Variants in AGO4 observed in about 807,000 individuals in gnomAD.
AGO4 encodes the protein protein argonaute-4.
AGO4 carries 33 observed loss-of-function variants against 104.7 expected under a neutral mutation model. The ratio of observed to expected loss-of-function variants is 0.32; its 90% confidence interval spans 0.24 to 0.42. AGO4 has a LOEUF of 0.42. AGO4 is among the 10% of genes least tolerant of loss of function. The pLI, the probability that AGO4 is intolerant of heterozygous loss-of-function variation, is 1.00. For missense variants in AGO4, 711 were observed against 1,083.4 expected (o/e 0.66, Z 4.83); for synonymous variants, 331 against 364.7 (o/e 0.91, Z 1.05).
At chr1:35,843,904 C>G (rs576036332) in intron 15 of AGO4, among the ~76,000 whole-genome samples, 5 of 152,198 alleles carry the variant, frequency 3.3e-5, no homozygotes, top group Admixed American at 2.0e-4. Context: ...ATTGACAGTT[C>G]CAGTTCTTGG....
Position 35,808,536 on chromosome 1 carries a change from C to T in AGO4, c.19+101C>T. The stretch of plus-strand genomic sequence containing the variant: ...CGTCGCCTCGCCGGGTTCGGGCCGC[C>T]AGGCCTCGGGGAAGGGGACCCGAGC... On this transcript the variant is annotated intron_variant, in intron 1 of 17. Coordinates refer to ENST00000373210, the MANE Select transcript of AGO4 (RefSeq NM_017629.4). The surrounding 1 kb of genome is among the most constrained non-coding windows in gnomAD (Gnocchi z 5.2). The T allele has an allele frequency of 9.3e-7, 1 of 1,074,300 alleles. No individual in the cohort carries two copies. Among genetic ancestry groups the T allele is most frequent in the African/African-American group, 1.7e-5 (1 of 59,814 alleles). 66.5% of individuals were successfully genotyped at this position (1,074,300 alleles called of 1,614,324 possible).
At position 35,857,410 on chromosome 1, in the gene AGO4, T is replaced by G. The variant is rs1350887181; in HGVS notation, c.*3805T>G. On this transcript the variant is annotated 3_prime_UTR_variant, in exon 18 of 18. Transcript: ENST00000373210. ...GTCTAGTGGCTGAAAATGTTTGCAT[T>G]TGTTCATTTGACTAATGGTGTGATT... 1 of 152,362 alleles carries G rather than the reference T, an allele frequency of 6.6e-6. No homozygotes were observed. Among genetic ancestry groups the G allele is most frequent in the East Asian group, 1.9e-4 (1 of 5,188 alleles). The allele number at this position is 152,362 out of a possible 1,614,324, so 9.4% of individuals were successfully genotyped here.
intron 17 of AGO4, 84 bp downstream of exon 17, chr1:35,851,137 G>A: frequency 1.5e-6 from 2 of 1,338,092 alleles, no homozygotes; most frequent in Non-Finnish European, 2.0e-6. Context: ...ACTTTTTTAA[G>A]GATTTAAACT....
At position 35,833,976 on chromosome 1, in the gene AGO4, T is replaced by C; in HGVS notation, c.1380-14T>C. 6.8e-7 allele frequency: 1 copy of C among 1,474,604 alleles called. No individual in the cohort carries two copies. The highest frequency in any genetic ancestry group is 9.1e-7 in the Non-Finnish European group (1 of 1,104,108). The allele number at this position is 1,474,604 out of a possible 1,614,324, so 91.3% of individuals were successfully genotyped here. ...GAAATGAAAAAAACCGTGTTACTGGTTCTATTTTAACAGGAGTTTCACTGA... is the reference window on the plus strand; with the variant it reads ...GAAATGAAAAAAACCGTGTTACTGGCTCTATTTTAACAGGAGTTTCACTGA... On this transcript the variant is annotated splice_polypyrimidine_tract_variant and intron_variant, in intron 11 of 17. Transcript: ENST00000373210.
At chr1:35,828,441 T>C (rs1433212522) in intron 7 of AGO4, among the ~76,000 whole-genome samples, 1 of 152,200 alleles carries the variant, frequency 6.6e-6, no homozygotes, top group East Asian at 1.9e-4. Context: ...TGTCACTTCT[T>C]ACAGCTGTTG....
intron 13 of AGO4, 140 bp downstream of exon 13, chr1:35,836,133 A>G: frequency 1.1e-6 from 1 of 925,786 alleles, no homozygotes; most frequent in Non-Finnish European, 1.6e-6. Flanking sequence ...ATTCCCAGAT[A>G]AAGATATAGA....
At chr1:35,824,571 G>A (rs1186228283) in intron 3 of AGO4, among the ~76,000 whole-genome samples, 1 of 149,002 alleles carries the variant, frequency 6.7e-6, no homozygotes, top group Non-Finnish European at 1.5e-5. Context: ...GATCGAGGTG[G>A]GAGAATTGCT....
intron 17 of AGO4, among the ~76,000 whole-genome samples, chr1:35,851,886 A>G (rs1216254246): frequency 6.6e-6 from 1 of 152,214 alleles, no homozygotes; most frequent in African/African-American, 2.4e-5. Flanking sequence ...TTTCTTGTCC[A>G]CGGGGATTTT....
In AGO4 at chr1:35,841,591, A is replaced by G. The variant is rs1644444572; in HGVS notation, c.2041-25A>G. The G allele has an allele frequency of 1.9e-6, 3 of 1,614,034 alleles. No homozygotes were observed. In the East Asian group the frequency reaches 6.7e-5, roughly 36 times the overall value. ...AGATACTAGGCAAATTCTCAATTAA[A>G]CATAATTCCATTTCTGTCTTCTAGG... On this transcript the variant is annotated intron_variant, in intron 14 of 17. Transcript: ENST00000373210. This position sits in a 1 kb window ranked among gnomAD's most constrained non-coding sequence, Gnocchi z 4.7.
At chr1:35,829,170 GATAA>G (rs1486174140) in intron 7 of AGO4, among the ~76,000 whole-genome samples, 1 of 151,884 alleles carries the variant, frequency 6.6e-6, no homozygotes, top group Non-Finnish European at 1.5e-5. Flanking sequence ...ATGGCTTCTG[GATAA>G]ATAAAGTGCA....
chr1:35,812,734 G>A (rs1557547334), intron 1 of AGO4, among the ~76,000 whole-genome samples: 1 of 152,016 alleles, frequency 6.6e-6, no homozygotes, highest in South Asian at 2.1e-4. Context: ...TGGGATTACA[G>A]GTGCCCACCA....
intron 7 of AGO4, among the ~76,000 whole-genome samples, chr1:35,829,409 C>T (rs943778775): frequency 4.0e-5 from 6 of 151,808 alleles, no homozygotes; most frequent in African/African-American, 1.5e-4. Context: ...AATTATTTCA[C>T]ATAACCCTGT....
chr1:35,833,965 CG>C, intron 11 of AGO4, 24 bp from the exon 12 acceptor site: 1 of 1,424,398 alleles, frequency 7.0e-7, no homozygotes, highest in Non-Finnish European at 9.3e-7. Flanking sequence ...TGAAAAAAAC[CG>C]TGTTACTGGT....
At chr1:35,850,751 A>G (rs1644679092) in intron 16 of AGO4, 103 bp from the exon 17 acceptor site, 1 of 913,370 alleles carries the variant, frequency 1.1e-6, no homozygotes, top group East Asian at 2.8e-5. Context: ...ACTGCACTCC[A>G]GCCTAGGTGA....
intron 13 of AGO4, among the ~76,000 whole-genome samples, chr1:35,838,680 G>T (rs897258111): frequency 1.3e-5 from 2 of 152,154 alleles, no homozygotes; most frequent in African/African-American, 2.4e-5. Context: ...CAAAGTGCTG[G>T]CTGGGCATTG....
intron 1 of AGO4, among the ~76,000 whole-genome samples, chr1:35,815,831 A>G (rs976039067): frequency 1.3e-5 from 2 of 152,144 alleles, no homozygotes; most frequent in Non-Finnish European, 2.9e-5. Context: ...ATGTGTCCAT[A>G]TATTTGCCAA....
Position 35,826,080 on chromosome 1 carries a change from T to C in AGO4, c.760+20T>C. On this transcript the variant is annotated intron_variant, in intron 6 of 17. Coordinates refer to ENST00000373210, the MANE Select transcript of AGO4 (RefSeq NM_017629.4). ...TCAGAGGTAAGTGTTTGCATTAATG[T>C]AGTCTTGGAGAAGCAGCTCAGCATG... 1 of 1,612,872 alleles carries C rather than the reference T, an allele frequency of 6.2e-7. No homozygotes were observed. The highest frequency in any genetic ancestry group is 1.1e-5 in the South Asian group (1 of 91,070).
chr1:35,826,833 A>G lies in AGO4; in HGVS notation c.846A>G (p.Gln282=), dbSNP rs776120160. Residue 282 remains glutamine (Q), a splice_region_variant and synonymous_variant, in exon 7 of 18, where the codon CAA becomes CAG. Transcript: ENST00000373210. ...TGACTAGACGGCCAGCCAGTCATCA[A>G]ACGTATGTTAACCACATCTAAAGTA... ...CNVTRRPASH[Q]TFPLQLENGQ... 6.2e-7 allele frequency: 1 copy of G among 1,613,904 alleles called. No individual in the cohort carries two copies. The highest frequency in any genetic ancestry group is 8.5e-7 in the Non-Finnish European group (1 of 1,179,810).
intron 2 of AGO4, among the ~76,000 whole-genome samples, chr1:35,820,649 G>A (rs751004618): frequency 1.8e-4 from 28 of 151,894 alleles, no homozygotes; most frequent in Non-Finnish European, 3.4e-4. Context: ...GAGCCACCCC[G>A]CCTGGCCCAA....
Sources: gnomAD v4.1 joint callset for allele counts (sites outside exome capture counted in the v4.1 genomes callset) on GRCh38, gnomAD v4.1.1 for gene constraint, Gnocchi (gnomAD v3.1) non-coding constraint, MANE v1.5 for transcripts, NCBI Gene and HGNC (gene_info 2026-07-23, HGNC 2026-07-21) for gene names.